CNGB3: variants seen among roughly 807,000 people sequenced by gnomAD.
CNGB3 encodes cyclic nucleotide gated channel subunit beta 3.
In CNGB3, 86 loss-of-function variants were observed where a neutral mutation model predicts 92.8. The observed-to-expected ratio is 0.93, with a 90% confidence interval of 0.78 to 1.11. The LOEUF is 1.11. Among genes scored for constraint, CNGB3 ranks in the 50% least tolerant of loss-of-function variants. The probability of loss-of-function intolerance (pLI) is 0.00; values close to 1 mark genes in which losing one functional copy is unlikely to be tolerated. For synonymous variants in CNGB3, 333 were observed against 332.7 expected, an observed-to-expected ratio of 1.00 and a Z score of -0.01; for missense variants, 1,026 against 956.8, an observed-to-expected ratio of 1.07 and a Z score of -0.95.
intron 2 of CNGB3, among the ~76,000 whole-genome samples, chr8:86,733,679 G>T (rs1825196851): frequency 6.6e-6 from 1 of 152,142 alleles, no homozygotes; most frequent in African/African-American, 2.4e-5. Context: ...CAAACTGGTT[G>T]GTCGTACACG....
intron 15 of CNGB3, among the ~76,000 whole-genome samples, chr8:86,592,702 C>CAT (rs950348631): frequency 9.9e-5 from 15 of 151,680 alleles, no homozygotes; most frequent in Middle Eastern, 3.4e-3. Context: ...GAATTATTTC[C>CAT]ATATATATAT....
chr8:86,700,092 A>G (rs1382303080), intron 3 of CNGB3, among the ~76,000 whole-genome samples: 2 of 152,106 alleles, frequency 1.3e-5, no homozygotes, highest in Non-Finnish European at 2.9e-5. Context: ...TGCAACTTCA[A>G]AGAAACGAGA....
In CNGB3 at chr8:86,670,952, G is replaced by A; in HGVS notation, c.485C>T (p.Pro162Leu). The A allele has an allele frequency of 3.1e-6, 5 of 1,612,308 alleles. No individual in the cohort carries two copies. The highest frequency in any genetic ancestry group is 4.2e-6 in the Non-Finnish European group (5 of 1,179,964). ...GAGGGAGCAATGCTTACCAGTTTGT[G>A]GGCTGGCTTCGGGTGAGGAGAGATC... The part of the protein sequence containing the change: ...EGDLSSPEAS[P>L]QTAKPTAVPP... Residue 162 changes from proline to leucine, a missense_variant, in exon 4 of 18, where the codon CCA becomes CTA. Pro to Leu is a moderately conservative substitution (Grantham distance 98). Transcript: ENST00000320005.
chr8:86,618,751 G>C (rs1822666687), intron 13 of CNGB3, among the ~76,000 whole-genome samples: 2 of 152,196 alleles, frequency 1.3e-5, no homozygotes, highest in African/African-American at 4.8e-5. Context: ...TGAAACACAA[G>C]TCTCACTGTA....
chr8:86,584,245 T>C (rs942044830), intron 15 of CNGB3, among the ~76,000 whole-genome samples: 4 of 152,346 alleles, frequency 2.6e-5, no homozygotes, highest in Admixed American at 1.3e-4. Flanking sequence ...TTGACGTTAA[T>C]ATTTGAAGGA....
At chr8:86,597,785 G>T (rs1017192036) in intron 15 of CNGB3, among the ~76,000 whole-genome samples, 1 of 152,046 alleles carries the variant, frequency 6.6e-6, no homozygotes, top group Non-Finnish European at 1.5e-5. Context: ...TTCAAGACTA[G>T]CCTGGCCAAC....
At chr8:86,627,847 G>A (rs933926150) in intron 12 of CNGB3, among the ~76,000 whole-genome samples, 2 of 152,088 alleles carry the variant, frequency 1.3e-5, no homozygotes, top group Admixed American at 1.3e-4. Context: ...AACTACACAG[G>A]TCCACTTATA....
chr8:86,689,951 C>G (rs1193330576), intron 3 of CNGB3, among the ~76,000 whole-genome samples: 1 of 152,164 alleles, frequency 6.6e-6, no homozygotes, highest in East Asian at 1.9e-4. Context: ...TTTTCTTAAT[C>G]CAGTCTATCA....
chr8:86,669,517 C>T (rs1218145559), intron 4 of CNGB3, among the ~76,000 whole-genome samples: 2 of 152,202 alleles, frequency 1.3e-5, no homozygotes, highest in Non-Finnish European at 2.9e-5. Context: ...TGCAAACGTA[C>T]ATCATTCCAC....
intron 15 of CNGB3, among the ~76,000 whole-genome samples, chr8:86,583,185 G>A (rs1821824926): frequency 1.3e-5 from 2 of 152,246 alleles, no homozygotes; most frequent in South Asian, 4.2e-4. Context: ...ACAGGCATGA[G>A]CCACCATGCT....
intron 6 of CNGB3, chr8:86,658,319 T>C: frequency 2.1e-6 from 1 of 486,020 alleles, no homozygotes; most frequent in South Asian, 1.9e-5. Context: ...CCGGGATGCT[T>C]GGCATGAGCG....
chr8:86,726,995 A>G (rs1825071291), intron 2 of CNGB3, among the ~76,000 whole-genome samples: 1 of 152,216 alleles, frequency 6.6e-6, no homozygotes, highest in Admixed American at 6.5e-5. Flanking sequence ...CACCAAGGCT[A>G]TACGGTATAC....
intron 3 of CNGB3, among the ~76,000 whole-genome samples, chr8:86,672,139 C>T (rs1823872889): frequency 6.6e-6 from 1 of 152,080 alleles, no homozygotes; most frequent in Admixed American, 6.6e-5. Context: ...CACGTTGTCG[C>T]CCAGGCTGGA....
chr8:86,580,336 C>T (rs765727933), intron 15 of CNGB3, among the ~76,000 whole-genome samples: 9 of 152,154 alleles, frequency 5.9e-5, no homozygotes, highest in Non-Finnish European at 1.3e-4. Context: ...TTAGACTTTT[C>T]CTCACTTCTG....
chr8:86,671,812 A>G (rs1372272666), intron 3 of CNGB3, among the ~76,000 whole-genome samples: 1 of 152,162 alleles, frequency 6.6e-6, no homozygotes, highest in Non-Finnish European at 1.5e-5. Context: ...TGAACTTGGA[A>G]GTAAATTCTT....
intron 7 of CNGB3, among the ~76,000 whole-genome samples, chr8:86,650,237 A>AT (rs534330965): frequency 7.3e-5 from 11 of 151,324 alleles, no homozygotes; most frequent in East Asian, 5.8e-4. Flanking sequence ...AATCATAATG[A>AT]TTTTTTTTAC....
chr8:86,581,233 A>G (rs1430850302), intron 15 of CNGB3, among the ~76,000 whole-genome samples: 1 of 152,214 alleles, frequency 6.6e-6, no homozygotes, highest in African/African-American at 2.4e-5. Flanking sequence ...CCATAAAACT[A>G]CAGCCATATC....
chr8:86,703,068 T>G (rs1824583983), intron 3 of CNGB3, among the ~76,000 whole-genome samples: 1 of 152,152 alleles, frequency 6.6e-6, no homozygotes, highest in South Asian at 2.1e-4. Context: ...TTCTTTCTTT[T>G]ACATACAGTT....
chr8:86,693,652 C>T (rs1260910297), intron 3 of CNGB3, among the ~76,000 whole-genome samples: 12 of 150,810 alleles, frequency 8.0e-5, no homozygotes, highest in African/African-American at 1.2e-4. Flanking sequence ...TGACTCTTAA[C>T]GAGCATGCTG....
Sources: allele counts gnomAD v4.1 joint callset (sites outside exome capture counted in the v4.1 genomes callset), GRCh38; gene constraint gnomAD v4.1.1; transcripts MANE v1.5; gene names NCBI Gene and HGNC (gene_info 2026-07-23, HGNC 2026-07-21).